The following LONP2 variants were observed in gnomAD, a reference collection of about 807,000 sequenced individuals.
LONP2 encodes lon peptidase 2, peroxisomal, also known as lon protease homolog 2, peroxisomal.
A neutral mutation model predicts 85.6 loss-of-function variants in LONP2; 60 were observed. The observed-to-expected ratio is 0.70, with a 90% confidence interval of 0.57 to 0.87. LONP2 has a LOEUF of 0.87. Among genes scored for constraint, LONP2 ranks in the 40% least tolerant of loss-of-function variants. LONP2 has a pLI of 0.00. For synonymous variants in LONP2, 395 were observed against 389.7 expected, an observed-to-expected ratio of 1.01 and a Z score of -0.16; for missense variants, 860 against 1,063.5, an observed-to-expected ratio of 0.81 and a Z score of 2.66.
chr16:48,349,803 C>T (rs1355964868), intron 14 of LONP2, among the ~76,000 whole-genome samples: 1 of 152,126 alleles, frequency 6.6e-6, no homozygotes, highest in Non-Finnish European at 1.5e-5. Context: ...ACAAATTATC[C>T]AAGAAATAAC....
Position 48,356,256 on chromosome 16 carries a change from G to GT in LONP2, c.*4455dup, listed in dbSNP as rs1201926495. On this transcript the variant is annotated 3_prime_UTR_variant, in exon 15 of 15. Coordinates refer to ENST00000285737, the MANE Select transcript of LONP2 (RefSeq NM_031490.5). ...TGACCAAAATCAGCTATGTGGCCAG[G>GT]TAATTCACTGCTGAGGGCTTTGGAT... 1 of 152,740 alleles carries GT rather than the reference G, an allele frequency of 6.5e-6. No individual in the cohort carries two copies. The highest frequency in any genetic ancestry group is 1.5e-5 in the Non-Finnish European group (1 of 68,462). 9.5% of individuals were successfully genotyped at this position (152,740 alleles called of 1,614,324 possible). A position where few individuals can be genotyped will look rare whatever the true frequency, so the allele number is the denominator to read the frequency against.
rs1486187843 is a variant in LONP2 at position 48,362,508 on chromosome 16, T to C, written c.*645T>C. On this transcript the variant is annotated 3_prime_UTR_variant, in exon 5 of 5. Transcript: ENST00000565867. The surrounding 1 kb of genome is among the most constrained non-coding windows in gnomAD (Gnocchi z 4.2). Reference sequence around the variant, plus strand: ...CTTTATAAATAATGTTTACATGCCATAAGTCCTTTTAAAGTTTCATACAAA... The same window carrying C: ...CTTTATAAATAATGTTTACATGCCACAAGTCCTTTTAAAGTTTCATACAAA... The C allele has an allele frequency of 5.0e-6, 7 of 1,408,244 alleles. No individual in the cohort carries two copies. Among genetic ancestry groups the C allele is most frequent in the Non-Finnish European group, 4.9e-6 (5 of 1,023,930 alleles). 87.2% of individuals were successfully genotyped at this position (1,408,244 alleles called of 1,614,324 possible). A position where few individuals can be genotyped will look rare whatever the true frequency, so the allele number is the denominator to read the frequency against.
At chr16:48,279,696 T>G (rs1048167106) in intron 8 of LONP2, among the ~76,000 whole-genome samples, 1 of 152,188 alleles carries the variant, frequency 6.6e-6, no homozygotes, top group African/African-American at 2.4e-5. Context: ...TTCCTAAATT[T>G]ATTTCAGCCA....
intron 11 of LONP2, among the ~76,000 whole-genome samples, chr16:48,333,324 C>T (rs1209624926): frequency 1.3e-5 from 2 of 152,128 alleles, no homozygotes; most frequent in African/African-American, 2.4e-5. Context: ...GGCTTATAGG[C>T]AGGTAAAGGA....
chr16:48,268,409 T>TTATA, intron 6 of LONP2, among the ~76,000 whole-genome samples: 1 of 152,144 alleles, frequency 6.6e-6, no homozygotes, highest in African/African-American at 2.4e-5. Context: ...AGTACCTTTT[T>TTATA]AGGTACAAGA....
intron 2 of LONP2, among the ~76,000 whole-genome samples, chr16:48,255,375 G>A (rs1971737231): frequency 6.6e-6 from 1 of 152,136 alleles, no homozygotes; most frequent in Non-Finnish European, 1.5e-5. Flanking sequence ...TACGTTTCAT[G>A]GATCAATTTA....
At chr16:48,246,799 T>C (rs115809761) in intron 1 of LONP2, among the ~76,000 whole-genome samples, 2,231 of 152,162 alleles carry the variant, frequency 0.015, 65 homozygotes, top group African/African-American at 0.052. Context: ...GGTCTCAAAC[T>C]CCTGGACTCA....
intron 8 of LONP2, among the ~76,000 whole-genome samples, chr16:48,293,762 G>A (rs1471034057): frequency 1.3e-5 from 2 of 152,176 alleles, no homozygotes; most frequent in Non-Finnish European, 2.9e-5. Flanking sequence ...CAGGATTCTT[G>A]CTCAAATTGG....
In LONP2 at chr16:48,308,871, G is replaced by C. The variant is rs1455417382; in HGVS notation, c.1795+5566G>C. 6.6e-5 allele frequency among the ~76,000 whole-genome samples: 10 copies of C among 152,010 alleles called. No homozygotes were observed. In the South Asian group the frequency reaches 2.1e-3, roughly 31 times the overall value. On this transcript the variant is annotated intron_variant, in intron 11 of 14. Transcript: ENST00000285737. ...CAACAGAGTAAACAGACAGCTTGCA[G>C]AATAAGCAAAAATATTTGCAAAATA...
intron 11 of LONP2, among the ~76,000 whole-genome samples, chr16:48,315,963 A>ATTTTT (rs201723319): frequency 3.7e-5 from 4 of 107,642 alleles, no homozygotes; most frequent in Non-Finnish European, 5.7e-5. Flanking sequence ...CCATATTGTA[A>ATTTTT]TTTTTTTTTT....
rs760466591 is a variant in LONP2 at position 48,270,037 on chromosome 16, C to T, written c.1004C>T (p.Ala335Val). The change falls in exon 7 of 15, where the codon GCC becomes GTC. Residue 335 changes from alanine to valine, a missense_variant. Physicochemically the swap from Ala to Val is moderately conservative, Grantham distance 64 (BLOSUM62 0). Around this residue, in one of 3 missense-constraint regions of LONP2, gnomAD observed 743 missense variants for 917.3 expected, o/e 0.81. Coordinates refer to ENST00000285737, the MANE Select transcript of LONP2 (RefSeq NM_031490.5). Reference protein sequence around the residue: ...STTDRLDIRAARILLDNDHYA... With the variant: ...STTDRLDIRAVRILLDNDHYA... Reference sequence around the variant, plus strand: ...ACAGACCGCCTGGACATTAGGGCAGCCCGGATTCTTCTGGATAATGACCAT... The same window carrying T: ...ACAGACCGCCTGGACATTAGGGCAGTCCGGATTCTTCTGGATAATGACCAT... 3 of 1,613,784 alleles carry T rather than the reference C, an allele frequency of 1.9e-6. No homozygotes were observed. The highest frequency in any genetic ancestry group is 2.2e-5 in the East Asian group (1 of 44,870).
intron 8 of LONP2, among the ~76,000 whole-genome samples, chr16:48,284,161 G>T (rs1286539723): frequency 1.3e-5 from 2 of 152,192 alleles, no homozygotes; most frequent in Non-Finnish European, 2.9e-5. Flanking sequence ...AGCAAAGAAA[G>T]CGGGTTTCTT....
chr16:48,307,256 T>G (rs1169138400), intron 11 of LONP2, among the ~76,000 whole-genome samples: 1 of 152,228 alleles, frequency 6.6e-6, no homozygotes, highest in Non-Finnish European at 1.5e-5. Flanking sequence ...GAATGCTGCC[T>G]CTGTTTTTCT....
Position 48,356,751 on chromosome 16 carries a change from G to A in LONP2, c.*4949G>A. 1 of 327,492 alleles carries A rather than the reference G, an allele frequency of 3.1e-6. No individual in the cohort carries two copies. The highest frequency in any genetic ancestry group is 6.1e-6 in the Non-Finnish European group (1 of 163,086). 20.3% of individuals were successfully genotyped at this position (327,492 alleles called of 1,614,324 possible). A position where few individuals can be genotyped will look rare whatever the true frequency, so the allele number is the denominator to read the frequency against. ...GATGTTTTAAAAGTTACAGCAAAAG[G>A]ACTTCTAAAACAATTTTAGGAAAAG... On this transcript the variant is annotated 3_prime_UTR_variant, in exon 15 of 15. Transcript: ENST00000285737.
chr16:48,312,584 T>C (rs1973056692), intron 11 of LONP2, among the ~76,000 whole-genome samples: 1 of 152,156 alleles, frequency 6.6e-6, no homozygotes, highest in African/African-American at 2.4e-5. Flanking sequence ...AGTCTTAGTA[T>C]GGTGGCTTTC....
chr16:48,253,864 A>G (rs946164390), intron 2 of LONP2, among the ~76,000 whole-genome samples: 5 of 152,222 alleles, frequency 3.3e-5, no homozygotes, highest in Non-Finnish European at 5.9e-5. Flanking sequence ...TTCATATTCA[A>G]TTATATGTTT....
chr16:48,280,428 T>C (rs1393198520), intron 8 of LONP2, among the ~76,000 whole-genome samples: 1 of 152,244 alleles, frequency 6.6e-6, no homozygotes, highest in Non-Finnish European at 1.5e-5. Context: ...TGATAAACAA[T>C]ATGTTTTAGG....
At chr16:48,357,985 A>G (rs1960438669), downstream of LONP2, among the ~76,000 whole-genome samples, 1 of 152,220 alleles carries the variant, frequency 6.6e-6, no homozygotes, top group Non-Finnish European at 1.5e-5. Flanking sequence ...TACCTACCCC[A>G]TGTACAGCCT....
At chr16:48,351,204 G>T (rs1960133424) in intron 14 of LONP2, among the ~76,000 whole-genome samples, 1 of 152,192 alleles carries the variant, frequency 6.6e-6, no homozygotes, top group Admixed American at 6.5e-5. Context: ...AGCTCTGCAG[G>T]AGCGGCGCTC....
Sources: gnomAD v4.1 joint callset for allele counts (sites outside exome capture counted in the v4.1 genomes callset) on GRCh38, gnomAD v4.1.1 for gene constraint, gnomAD v4.1.1 regional missense constraint, Gnocchi (gnomAD v3.1) non-coding constraint, MANE v1.5 for transcripts, NCBI Gene and HGNC (gene_info 2026-07-23, HGNC 2026-07-21) for gene names.